ASTN2: variants seen among roughly 807,000 people sequenced by gnomAD.
ASTN2 encodes astrotactin 2, also known as astrotactin-2.
ASTN2 carries 54 observed loss-of-function variants against 139.8 expected under a neutral mutation model. The observed-to-expected ratio is 0.39, with a 90% CI of 0.31 to 0.48. The LOEUF (loss-of-function observed/expected upper bound fraction) is 0.48. ASTN2 is among the 20% of genes least tolerant of loss of function. ASTN2 has a pLI of 0.95. For synonymous variants in ASTN2, 756 were observed against 719.5 expected (o/e 1.05, Z -0.81); for missense variants, 1,565 against 1,725.1 (o/e 0.91, Z 1.64).
At position 116,671,629 on chromosome 9, in the gene ASTN2, C is replaced by T. The variant is rs1293457313; in HGVS notation, c.2807-19836G>A. 2.0e-5 allele frequency among the ~76,000 whole-genome samples: 3 copies of T among 152,030 alleles called. No individual in the cohort carries two copies. In the East Asian group the frequency reaches 5.8e-4, roughly 29 times the overall value. ...AGAATATGACAATATTGAGAGGATG[C>T]CACTTCTGTGATTAGGTTACAAAAG... On this transcript the variant is annotated intron_variant, in intron 16 of 22. Coordinates refer to ENST00000313400, the MANE Select transcript of ASTN2 (RefSeq NM_001365068.1).
chr9:117,342,605 G>T (rs1007406857), intron 1 of ASTN2, among the ~76,000 whole-genome samples: 3 of 152,082 alleles, frequency 2.0e-5, no homozygotes, highest in African/African-American at 7.2e-5. Flanking sequence ...GTTTCCTCTG[G>T]CTAGGTCCTG....
chr9:117,308,556 T>G (rs1047794015), intron 1 of ASTN2, among the ~76,000 whole-genome samples: 1 of 152,160 alleles, frequency 6.6e-6, no homozygotes, highest in Non-Finnish European at 1.5e-5. Flanking sequence ...TCATTTCAAG[T>G]GCACTTTCAG....
chr9:117,309,762 T>G (rs1827915330), intron 1 of ASTN2, among the ~76,000 whole-genome samples: 1 of 152,088 alleles, frequency 6.6e-6, no homozygotes, highest in Non-Finnish European at 1.5e-5. Flanking sequence ...TGGAAGCAGC[T>G]GGGTGTAGAG....
chr9:117,224,854 T>C (rs190264705), intron 2 of ASTN2, among the ~76,000 whole-genome samples: 1 of 152,232 alleles, frequency 6.6e-6, no homozygotes, highest in Admixed American at 6.5e-5. Context: ...TCTGACTGGG[T>C]TAAGTACCAC....
At chr9:116,514,469 G>A (rs1318141896) in intron 19 of ASTN2, among the ~76,000 whole-genome samples, 1 of 152,218 alleles carries the variant, frequency 6.6e-6, no homozygotes. Context: ...TGAGGAGGCA[G>A]TCTGTCTCAA....
chr9:116,673,334 C>A (rs1171636659), intron 16 of ASTN2, among the ~76,000 whole-genome samples: 1 of 152,122 alleles, frequency 6.6e-6, no homozygotes, highest in East Asian at 1.9e-4. Flanking sequence ...TTGCTCCCAA[C>A]AATCCTGTGT....
intron 1 of ASTN2, among the ~76,000 whole-genome samples, chr9:117,405,120 T>C (rs1830944931): frequency 6.6e-6 from 1 of 152,164 alleles, no homozygotes; most frequent in Non-Finnish European, 1.5e-5. Context: ...CTTGGGCCTG[T>C]GAGGCTGTCA....
chr9:116,721,446 G>T (rs1305545580), intron 16 of ASTN2, among the ~76,000 whole-genome samples: 1 of 152,210 alleles, frequency 6.6e-6, no homozygotes, highest in Non-Finnish European at 1.5e-5. Context: ...TGGAGCCCCA[G>T]TGGGAAGAAG....
chr9:117,281,951 G>A (rs900272178), intron 2 of ASTN2, among the ~76,000 whole-genome samples: 8 of 152,016 alleles, frequency 5.3e-5, no homozygotes, highest in African/African-American at 1.4e-4. Context: ...CTCGCTACCC[G>A]ACTCCCAGCC....
chr9:117,173,316 A>T (rs1830838192), intron 3 of ASTN2, among the ~76,000 whole-genome samples: 1 of 152,178 alleles, frequency 6.6e-6, no homozygotes, highest in Non-Finnish European at 1.5e-5. Context: ...CTGTCTTAAA[A>T]GCAACCGTAA....
intron 6 of ASTN2, among the ~76,000 whole-genome samples, chr9:117,033,198 A>G: frequency 6.6e-6 from 1 of 152,138 alleles, no homozygotes; most frequent in East Asian, 1.9e-4. Context: ...TATGGCTCCA[A>G]AACAAAATAT....
At chr9:117,364,554 A>C (rs570040251) in intron 1 of ASTN2, among the ~76,000 whole-genome samples, 48 of 152,314 alleles carry the variant, frequency 3.2e-4, no homozygotes, top group African/African-American at 1.2e-3. Flanking sequence ...GTACCCCACG[A>C]AAGATTATTG....
At chr9:117,335,129 C>T (rs953620037) in intron 1 of ASTN2, among the ~76,000 whole-genome samples, 1 of 152,146 alleles carries the variant, frequency 6.6e-6, no homozygotes, top group Non-Finnish European at 1.5e-5. Flanking sequence ...CACTCCATTG[C>T]TTTATTTTAT....
chr9:117,093,705 T>A (rs879817475), intron 5 of ASTN2, among the ~76,000 whole-genome samples: 13 of 152,328 alleles, frequency 8.5e-5, no homozygotes, highest in Admixed American at 8.5e-4. Flanking sequence ...GGTTCTAAGT[T>A]CATTTGCCTA....
Position 117,136,799 on chromosome 9 carries a change from T to C in ASTN2, c.1168+4527A>G, listed in dbSNP as rs1829962567. On this transcript the variant is annotated intron_variant, in intron 4 of 22. Transcript: ENST00000313400. ...CAGTGATTGTACTAGCTATTCCTTA[T>C]TGAGGGTTGAACGTGGGACAGGCAC... 3.3e-5 allele frequency among the ~76,000 whole-genome samples: 5 copies of C among 152,306 alleles called. 1 individual carries two copies. In the East Asian group the frequency reaches 7.7e-4, roughly 24 times the overall value.
chr9:117,017,237 C>A (rs201862959), intron 6 of ASTN2, among the ~76,000 whole-genome samples: 1 of 109,268 alleles, frequency 9.2e-6, no homozygotes, highest in Non-Finnish European at 2.1e-5. Flanking sequence ...CAACTCTTTT[C>A]TTTTAATTTA....
intron 19 of ASTN2, among the ~76,000 whole-genome samples, chr9:116,517,432 A>T (rs1023088213): frequency 6.6e-6 from 1 of 152,172 alleles, no homozygotes; most frequent in African/African-American, 2.4e-5. Flanking sequence ...AGCTCTGAGG[A>T]AGCCCCATTC....
intron 3 of ASTN2, among the ~76,000 whole-genome samples, chr9:117,209,173 T>C (rs1402038411): frequency 2.6e-5 from 4 of 152,140 alleles, no homozygotes; most frequent in Non-Finnish European, 5.9e-5. Flanking sequence ...CAGAAAACAC[T>C]CAGTGAAACA....
intron 21 of ASTN2, among the ~76,000 whole-genome samples, chr9:116,442,083 A>G (rs888777527): frequency 6.6e-6 from 1 of 152,078 alleles, no homozygotes; most frequent in African/African-American, 2.4e-5. Flanking sequence ...TCTCTTTGCT[A>G]CTCTAGCAAC....
Sources: gnomAD v4.1 joint callset for allele counts (sites outside exome capture counted in the v4.1 genomes callset) on GRCh38, gnomAD v4.1.1 for gene constraint, MANE v1.5 for transcripts, NCBI Gene and HGNC (gene_info 2026-07-23, HGNC 2026-07-21) for gene names.